The following CSMD1 variants were observed in gnomAD, a reference collection of about 807,000 sequenced individuals.
The protein encoded by CSMD1 is CUB and Sushi multiple domains 1, also known as CUB and sushi domain-containing protein 1.
In CSMD1, 213 loss-of-function variants were observed where a neutral mutation model predicts 417.5. The observed-to-expected ratio is 0.51, with a 90% CI of 0.46 to 0.57. The LOEUF (loss-of-function observed/expected upper bound fraction) is 0.57. CSMD1 is among the 20% of genes least tolerant of loss of function. The probability of loss-of-function intolerance (pLI) is 0.00; values close to 1 mark genes in which losing one functional copy is unlikely to be tolerated. For synonymous variants in CSMD1, 2,862 were observed against 1,736.8 expected, an observed-to-expected ratio of 1.65 and a Z score of -16.11; for missense variants, 6,923 against 4,529.7, an observed-to-expected ratio of 1.53 and a Z score of -15.17.
chr8:3,560,629 G>C (rs1480690841), intron 10 of CSMD1, among the ~76,000 whole-genome samples: 1 of 152,040 alleles, frequency 6.6e-6, no homozygotes, highest in Non-Finnish European at 1.5e-5. Flanking sequence ...TGAGATGGCG[G>C]GATGATATAA....
At chr8:3,200,932 T>C (rs1796958095) in intron 32 of CSMD1, among the ~76,000 whole-genome samples, 1 of 152,172 alleles carries the variant, frequency 6.6e-6, no homozygotes, top group South Asian at 2.1e-4. Flanking sequence ...ATGATGAAAA[T>C]GTATCAGTAC....
At chr8:3,947,095 T>C (rs1563241474) in intron 5 of CSMD1, among the ~76,000 whole-genome samples, 1 of 152,196 alleles carries the variant, frequency 6.6e-6, no homozygotes, top group Non-Finnish European at 1.5e-5. Flanking sequence ...TGGATATTAT[T>C]TTTGTTTCTG....
rs142295115 is a variant in CSMD1, at chr8:4,767,035, T to C, written c.86-129477A>G. Among the ~76,000 whole-genome samples the C allele has an allele frequency of 2.6e-3, 395 of 152,342 alleles. 2 individuals carry two copies. The highest frequency in any genetic ancestry group is 8.7e-3 in the African/African-American group (360 of 41,588). The stretch of plus-strand genomic sequence containing the variant: ...AAAATGTACTATGGATACAACTAAA[T>C]AATACCTTTCAGGAAATACTGCTTT... On this transcript the variant is annotated intron_variant, in intron 1 of 69. Coordinates refer to ENST00000635120, the MANE Select transcript of CSMD1 (RefSeq NM_033225.6).
chr8:4,960,056 G>C (rs1456428802), intron 1 of CSMD1, among the ~76,000 whole-genome samples: 4 of 152,178 alleles, frequency 2.6e-5, no homozygotes, highest in South Asian at 4.1e-4. Context: ...ACTCAGAACA[G>C]TGCCTTACCA....
At chr8:4,574,778 C>G (rs903354038) in intron 2 of CSMD1, among the ~76,000 whole-genome samples, 5 of 152,186 alleles carry the variant, frequency 3.3e-5, no homozygotes, top group African/African-American at 4.8e-5. Flanking sequence ...GAAAGCAACA[C>G]TCATAGTTTC....
At chr8:3,946,862 G>C (rs2980781) in intron 5 of CSMD1, among the ~76,000 whole-genome samples, 18,999 of 151,978 alleles carry the variant, frequency 0.13, 1,515 homozygotes, top group South Asian at 0.18. Flanking sequence ...TTTTGAAATT[G>C]CTCATTGCTT....
At chr8:3,135,283 T>A (rs952497042) in intron 41 of CSMD1, among the ~76,000 whole-genome samples, 1 of 152,212 alleles carries the variant, frequency 6.6e-6, no homozygotes, top group African/African-American at 2.4e-5. Flanking sequence ...AAAACACTAA[T>A]AAAAATCTCT....
At position 3,550,442 on chromosome 8, in the gene CSMD1, T is replaced by C. The variant is rs538521297; in HGVS notation, c.1344+24503A>G. On this transcript the variant is annotated intron_variant, in intron 10 of 69. Coordinates refer to ENST00000635120, the MANE Select transcript of CSMD1 (RefSeq NM_033225.6). Reference sequence around the variant, plus strand: ...AGCAGACAGCCCTCAATATAATCTTTTAAAAGTTTTTTAATTGACACATGG... The same window carrying C: ...AGCAGACAGCCCTCAATATAATCTTCTAAAAGTTTTTTAATTGACACATGG... 5.9e-5 allele frequency among the ~76,000 whole-genome samples: 9 copies of C among 152,294 alleles called. No individual in the cohort carries two copies. The South Asian group carries it at 1.0e-3, about 18-fold the overall frequency.
At chr8:3,616,644 T>C (rs1016852137) in intron 8 of CSMD1, 66 bp downstream of exon 8, 6 of 1,039,656 alleles carry the variant, frequency 5.8e-6, no homozygotes, top group Middle Eastern at 2.0e-4. Context: ...TAAATTTAAC[T>C]GCAAGCTGAA....
intron 18 of CSMD1, among the ~76,000 whole-genome samples, chr8:3,382,280 C>T (rs534678372): frequency 1.7e-4 from 26 of 149,982 alleles, no homozygotes; most frequent in South Asian, 1.0e-3. Flanking sequence ...GATTCCTAGT[C>T]AGCACTGGAA....
At chr8:4,103,489 T>C (rs1563127650) in intron 3 of CSMD1, among the ~76,000 whole-genome samples, 1 of 150,658 alleles carries the variant, frequency 6.6e-6, no homozygotes, top group East Asian at 1.9e-4. Context: ...TTTACATATA[T>C]ATAAATAAAC....
intron 27 of CSMD1, 123 bp from the exon 28 acceptor site, chr8:3,223,990 G>A (rs1393659194): frequency 2.4e-6 from 2 of 849,680 alleles, no homozygotes; most frequent in Non-Finnish European, 3.6e-6. Flanking sequence ...ACCAGTCCAA[G>A]AGATTGTGTG....
chr8:4,005,863 C>T (rs1184370711), intron 4 of CSMD1, among the ~76,000 whole-genome samples: 3 of 152,156 alleles, frequency 2.0e-5, no homozygotes, highest in Non-Finnish European at 1.5e-5. Context: ...TTCCCTGGTC[C>T]CCATGAACAG....
chr8:3,886,660 C>G (rs1806584142), intron 5 of CSMD1, among the ~76,000 whole-genome samples: 1 of 152,124 alleles, frequency 6.6e-6, no homozygotes, highest in African/African-American at 2.4e-5. Context: ...CTTCTAACAA[C>G]AGCTACTGAT....
Position 3,570,605 on chromosome 8 carries a change from A to G in CSMD1, c.1344+4340T>C, listed in dbSNP as rs192236230. On this transcript the variant is annotated intron_variant, in intron 10 of 69. Coordinates refer to ENST00000635120, the MANE Select transcript of CSMD1 (RefSeq NM_033225.6). ...CAAACACCTGAGCTGCAATGCTATC[A>G]CGGAGCTACTGAATACAACCTGGAA... 4.0e-3 allele frequency among the ~76,000 whole-genome samples: 611 copies of G among 152,298 alleles called. 4 individuals carry two copies. The highest frequency in any genetic ancestry group is 0.013 in the African/African-American group (540 of 41,562).
intron 49 of CSMD1, among the ~76,000 whole-genome samples, chr8:3,084,734 T>A (rs529075162): frequency 3.3e-5 from 5 of 152,090 alleles, no homozygotes; most frequent in Admixed American, 1.3e-4. Context: ...TGTACAACCT[T>A]ATGCTATTTA....
intron 2 of CSMD1, among the ~76,000 whole-genome samples, chr8:4,456,710 G>T (rs1563195831): frequency 6.6e-6 from 1 of 152,090 alleles, no homozygotes; most frequent in Non-Finnish European, 1.5e-5. Flanking sequence ...AAACAGGCAT[G>T]TGGACCCCCT....
chr8:3,707,407 G>T (rs1247783800), intron 7 of CSMD1, among the ~76,000 whole-genome samples: 1 of 152,090 alleles, frequency 6.6e-6, no homozygotes, highest in Non-Finnish European at 1.5e-5. Context: ...GGGGACAGGC[G>T]CACCCACAGA....
intron 5 of CSMD1, among the ~76,000 whole-genome samples, chr8:3,959,329 T>C (rs1812168718): frequency 6.6e-6 from 1 of 152,118 alleles, no homozygotes; most frequent in Non-Finnish European, 1.5e-5. Flanking sequence ...AAAAACCCTG[T>C]CTCTACTAAA....
Sources: allele counts gnomAD v4.1 joint callset (sites outside exome capture counted in the v4.1 genomes callset), GRCh38; gene constraint gnomAD v4.1.1; transcripts MANE v1.5; gene names NCBI Gene and HGNC (gene_info 2026-07-23, HGNC 2026-07-21).